The following PTPRD variants were observed in gnomAD, a reference collection of about 807,000 sequenced individuals.
The protein encoded by PTPRD is receptor-type tyrosine-protein phosphatase delta.
Under a neutral mutation model 214.5 loss-of-function variants are expected in PTPRD, and 34 were observed. That is an observed-to-expected ratio of 0.16 (90% CI 0.12 to 0.21). The LOEUF (loss-of-function observed/expected upper bound fraction) is 0.21. PTPRD is among the 10% of genes least tolerant of loss of function. PTPRD has a pLI of 1.00. For synonymous variants in PTPRD, 1,128 were observed against 845.7 expected (o/e 1.33, Z -5.79); for missense variants, 2,545 against 2,398.7 (o/e 1.06, Z -1.27).
At chr9:8,540,816 A>G (rs1408618052) in intron 14 of PTPRD, among the ~76,000 whole-genome samples, 1 of 152,212 alleles carries the variant, frequency 6.6e-6, no homozygotes, top group Admixed American at 6.5e-5. Context: ...AAGAGGAACA[A>G]AATAAAGTGA....
intron 2 of PTPRD, among the ~76,000 whole-genome samples, chr9:10,379,874 T>A (rs2097787939): frequency 6.6e-6 from 1 of 152,104 alleles, no homozygotes; most frequent in South Asian, 2.1e-4. Flanking sequence ...CTGATTCTTT[T>A]TTAGTTAATG....
intron 3 of PTPRD, among the ~76,000 whole-genome samples, chr9:10,053,466 G>A (rs1282543687): frequency 6.6e-6 from 1 of 152,096 alleles, no homozygotes; most frequent in Non-Finnish European, 1.5e-5. Flanking sequence ...GAAATGTGAT[G>A]TATTGTAACT....
At chr9:10,321,049 G>T in intron 3 of PTPRD, among the ~76,000 whole-genome samples, 1 of 152,114 alleles carries the variant, frequency 6.6e-6, no homozygotes, top group South Asian at 2.1e-4. Flanking sequence ...TGAAATGTGT[G>T]TAGAGTATTG....
intron 5 of PTPRD, among the ~76,000 whole-genome samples, chr9:9,775,448 T>A (rs538530930): frequency 6.6e-6 from 1 of 152,164 alleles, no homozygotes; most frequent in Non-Finnish European, 1.5e-5. Context: ...CATCATAGAA[T>A]AAAATAATTA....
At chr9:8,984,097 T>A (rs897108386) in intron 11 of PTPRD, among the ~76,000 whole-genome samples, 1 of 152,076 alleles carries the variant, frequency 6.6e-6, no homozygotes, top group Non-Finnish European at 1.5e-5. Context: ...ACTACATGTG[T>A]ATATTGGAAG....
intron 9 of PTPRD, among the ~76,000 whole-genome samples, chr9:9,323,746 G>C (rs1219293649): frequency 2.6e-5 from 4 of 152,020 alleles, no homozygotes; most frequent in Admixed American, 2.0e-4. Context: ...CAATGTGCAG[G>C]TTTGTTACAT....
chr9:9,328,217 T>A (rs2040805334), intron 9 of PTPRD, among the ~76,000 whole-genome samples: 1 of 152,154 alleles, frequency 6.6e-6, no homozygotes, highest in Non-Finnish European at 1.5e-5. Context: ...TTACCGGAGC[T>A]AATAGTAAAC....
intron 3 of PTPRD, among the ~76,000 whole-genome samples, chr9:10,279,597 C>G (rs1229977417): frequency 3.3e-5 from 5 of 151,884 alleles, no homozygotes; most frequent in Non-Finnish European, 7.4e-5. Context: ...CTTACTCAAG[C>G]TACTTTCACG....
chr9:9,600,087 C>A (rs528894193), intron 7 of PTPRD, among the ~76,000 whole-genome samples: 1 of 151,920 alleles, frequency 6.6e-6, no homozygotes, highest in African/African-American at 2.4e-5. Flanking sequence ...TATCTGAGGA[C>A]TGATCTTATG....
chr9:8,508,873 ATATG>A (rs1488163112), intron 21 of PTPRD, among the ~76,000 whole-genome samples: 1 of 96,436 alleles, frequency 1.0e-5, no homozygotes, highest in African/African-American at 4.7e-5. Flanking sequence ...CTGTGTATAT[ATATG>A]TGTGTGTGTG....
chr9:9,234,487 T>C (rs571894302), intron 9 of PTPRD, among the ~76,000 whole-genome samples: 1 of 152,198 alleles, frequency 6.6e-6, no homozygotes, highest in Non-Finnish European at 1.5e-5. Flanking sequence ...TCCTCATACT[T>C]ATGCAAATTT....
rs554804206 is a variant in PTPRD at position 9,350,820 on chromosome 9, T to A, written c.-203+46629A>T. On this transcript the variant is annotated intron_variant, in intron 9 of 45. Transcript: ENST00000381196. Reference sequence around the variant, plus strand: ...AACTTAAATAACATTCATGTCATGTTAAAGTAGTAAAAGGAAAATATTCCC... The same window carrying A: ...AACTTAAATAACATTCATGTCATGTAAAAGTAGTAAAAGGAAAATATTCCC... 4.6e-5 allele frequency among the ~76,000 whole-genome samples: 7 copies of A among 152,204 alleles called. No homozygotes were observed. The South Asian group carries it at 1.5e-3, about 32-fold the overall frequency.
intron 11 of PTPRD, among the ~76,000 whole-genome samples, chr9:8,817,309 T>C (rs2096940128): frequency 6.6e-6 from 1 of 152,230 alleles, no homozygotes. Context: ...CATATCATGT[T>C]GAATAAATCT....
At chr9:9,273,939 A>G (rs1943959831) in intron 9 of PTPRD, among the ~76,000 whole-genome samples, 1 of 151,346 alleles carries the variant, frequency 6.6e-6, no homozygotes, top group Non-Finnish European at 1.5e-5. Flanking sequence ...TCAATATGAT[A>G]TTCAAGATCC....
chr9:9,680,350 A>C lies in PTPRD; in HGVS notation c.-287+54183T>G, dbSNP rs538161559. Among the ~76,000 whole-genome samples, 12 of 152,022 alleles carry C rather than the reference A, an allele frequency of 7.9e-5. No homozygotes were observed. The East Asian group carries it at 2.3e-3, about 29-fold the overall frequency. On this transcript the variant is annotated intron_variant, in intron 7 of 45. Transcript: ENST00000381196. ...ATATTGCTTTGGAAAATTAGAAAAT[A>C]AAAAGAAAAGCTTATTTCGGCATCA...
intron 5 of PTPRD, among the ~76,000 whole-genome samples, chr9:9,872,615 A>G (rs2065789970): frequency 6.6e-6 from 1 of 152,092 alleles, no homozygotes. Context: ...ACCACCACCA[A>G]TAAAATGGAG....
intron 3 of PTPRD, among the ~76,000 whole-genome samples, chr9:10,273,676 C>A (rs2094533861): frequency 6.6e-6 from 1 of 152,044 alleles, no homozygotes; most frequent in Non-Finnish European, 1.5e-5. Flanking sequence ...CAAAGAACCA[C>A]TAAGAAGGGA....
At chr9:9,479,680 C>G (rs1221136324) in intron 8 of PTPRD, among the ~76,000 whole-genome samples, 1 of 152,016 alleles carries the variant, frequency 6.6e-6, no homozygotes, top group Non-Finnish European at 1.5e-5. Flanking sequence ...ATGGCAATCA[C>G]TATTGTTTTA....
intron 44 of PTPRD, among the ~76,000 whole-genome samples, chr9:8,322,527 C>A (rs929954901): frequency 6.6e-6 from 1 of 152,040 alleles, no homozygotes; most frequent in African/African-American, 2.4e-5. Context: ...AGAGCAAGGC[C>A]CTAACTCTCT....
Sources: allele counts gnomAD v4.1 joint callset (sites outside exome capture counted in the v4.1 genomes callset), GRCh38; gene constraint gnomAD v4.1.1; transcripts MANE v1.5; gene names NCBI Gene and HGNC (gene_info 2026-07-23, HGNC 2026-07-21).